Variants in AFG2B observed in about 807,000 individuals in gnomAD.
AFG2B encodes AAA ATPase AFG2B, also known as ATPase family gene 2 protein homolog B.
At chr15:45,410,710 T>A in the AFG2B span, among the ~76,000 whole-genome samples, 1 of 152,206 alleles carries the variant, frequency 6.6e-6, no homozygotes, top group Non-Finnish European at 1.5e-5. Flanking sequence ...ATGTCTAAAC[T>A]GGTTTTTATA....
the AFG2B span, chr15:45,407,079 T>A: frequency 7.8e-7 from 1 of 1,289,206 alleles, no homozygotes. Context: ...AGTCAGCTGC[T>A]GTCGTCCCAG....
At chr15:45,409,462 T>C in the AFG2B span, among the ~76,000 whole-genome samples, 1 of 151,952 alleles carries the variant, frequency 6.6e-6, no homozygotes, top group African/African-American at 2.4e-5. Flanking sequence ...AAGAATAAAT[T>C]GTTGCAGCTT....
the AFG2B span, among the ~76,000 whole-genome samples, chr15:45,420,028 A>C: frequency 6.8e-6 from 1 of 147,666 alleles, no homozygotes. Flanking sequence ...AAAACAAAAC[A>C]AAAGGGAACC....
the AFG2B span, among the ~76,000 whole-genome samples, chr15:45,409,705 A>AG: frequency 5.9e-5 from 9 of 151,942 alleles, no homozygotes; most frequent in African/African-American, 2.2e-4. Flanking sequence ...TACAAAAAAA[A>AG]AATATATATA....
the AFG2B span, chr15:45,415,685 T>G: frequency 6.2e-7 from 1 of 1,614,148 alleles, no homozygotes; most frequent in Non-Finnish European, 8.5e-7. Flanking sequence ...CAGGATGTGA[T>G]GTTCAAGAAC....
At chr15:45,402,482 C>A in the AFG2B span, 1 of 1,610,462 alleles carries the variant, frequency 6.2e-7, no homozygotes. Context: ...AAGCTGCTAC[C>A]CTTAGACGCT....
the AFG2B span, chr15:45,421,004 A>AT: frequency 6.3e-6 from 10 of 1,590,886 alleles, no homozygotes; most frequent in Admixed American, 9.2e-5. Flanking sequence ...AAGAAAAAAA[A>AT]GCAAAAGAAA....
the AFG2B span, among the ~76,000 whole-genome samples, chr15:45,419,806 C>T: frequency 1.3e-5 from 2 of 151,954 alleles, no homozygotes; most frequent in African/African-American, 2.4e-5. Flanking sequence ...CATCTGAGCC[C>T]AGGAGTTGAG....
the AFG2B span, among the ~76,000 whole-genome samples, chr15:45,405,004 C>G: frequency 6.6e-6 from 1 of 151,996 alleles, no homozygotes; most frequent in Non-Finnish European, 1.5e-5. Context: ...TATCCATCAC[C>G]TCAAACATTT....
At chr15:45,415,667 C>T in the AFG2B span, 4 of 1,614,120 alleles carry the variant, frequency 2.5e-6, no homozygotes, top group Non-Finnish European at 3.4e-6. Context: ...CTCGCTCAGC[C>T]AGCAAGACAG....
the AFG2B span, among the ~76,000 whole-genome samples, chr15:45,404,609 C>T: frequency 1.3e-5 from 2 of 151,968 alleles, no homozygotes; most frequent in South Asian, 2.1e-4. Flanking sequence ...GAGTTCGAGA[C>T]CAGCCTGGCC....
the AFG2B span, among the ~76,000 whole-genome samples, chr15:45,409,613 C>A: frequency 6.6e-6 from 1 of 151,964 alleles, no homozygotes; most frequent in Non-Finnish European, 1.5e-5. Context: ...GTAATCCCAG[C>A]ACTTTGGGAG....
the AFG2B span, among the ~76,000 whole-genome samples, chr15:45,410,075 G>C: frequency 4.6e-5 from 7 of 152,192 alleles, no homozygotes; most frequent in Non-Finnish European, 8.8e-5. Context: ...AAGAAGAAAA[G>C]TACAGGCTGA....
At chr15:45,414,847 CTT>C in the AFG2B span, 1 of 1,391,722 alleles carries the variant, frequency 7.2e-7, no homozygotes, top group African/African-American at 1.5e-5. Context: ...ATGGACAAAC[CTT>C]TTTAAAAATA....
chr15:45,405,488 C>T, the AFG2B span: 6 of 1,613,270 alleles, frequency 3.7e-6, no homozygotes, highest in Admixed American at 1.7e-5. Context: ...CATGCATGCC[C>T]TCCTTCATAG....
the AFG2B span, chr15:45,402,873 C>A: frequency 6.3e-7 from 1 of 1,598,468 alleles, no homozygotes. Flanking sequence ...CCCTGGGCCA[C>A]GTGGTGGTCG....
chr15:45,415,342 C>G, the AFG2B span, among the ~76,000 whole-genome samples: 3 of 151,870 alleles, frequency 2.0e-5, no homozygotes, highest in South Asian at 6.2e-4. Context: ...ACTAAAAATA[C>G]AAAAAAATTA....
the AFG2B span, chr15:45,403,263 C>A: frequency 6.3e-6 from 10 of 1,587,872 alleles, no homozygotes; most frequent in Non-Finnish European, 8.5e-6. Context: ...CTGGGGAGAC[C>A]GAGGAGAACG....
the AFG2B span, among the ~76,000 whole-genome samples, chr15:45,404,833 AATAT>A: frequency 4.1e-5 from 6 of 147,946 alleles, no homozygotes; most frequent in Non-Finnish European, 5.9e-5. Flanking sequence ...AGAAAAAAAA[AATAT>A]ATATATGTAT....
Sources: allele counts gnomAD v4.1 joint callset (sites outside exome capture counted in the v4.1 genomes callset), GRCh38; gene constraint gnomAD v4.1.1; transcripts MANE v1.5; gene names NCBI Gene and HGNC (gene_info 2026-07-23, HGNC 2026-07-21).